ATP11B: variants seen among roughly 807,000 people sequenced by gnomAD.
ATP11B encodes ATPase phospholipid transporting 11B (putative), also known as phospholipid-transporting ATPase IF.
A neutral mutation model predicts 157.8 loss-of-function variants in ATP11B; 81 were observed. That is an observed-to-expected ratio of 0.51 (90% CI 0.43 to 0.62). ATP11B has a LOEUF of 0.62. Among genes scored for constraint, ATP11B ranks in the 20% least tolerant of loss-of-function variants. The pLI, the probability that ATP11B is intolerant of heterozygous loss-of-function variation, is 0.00. For synonymous variants in ATP11B, 451 were observed against 469.4 expected (o/e 0.96, Z 0.51); for missense variants, 1,165 against 1,402.2 (o/e 0.83, Z 2.70).
intron 28 of ATP11B, among the ~76,000 whole-genome samples, chr3:182,911,859 G>A (rs905661668): frequency 6.6e-6 from 1 of 152,204 alleles, no homozygotes; most frequent in Non-Finnish European, 1.5e-5. Flanking sequence ...AGTTGGAGAG[G>A]TGAGGGAAGT....
At chr3:182,874,317 CTT>C (rs1721875343) in intron 19 of ATP11B, among the ~76,000 whole-genome samples, 1 of 152,198 alleles carries the variant, frequency 6.6e-6, no homozygotes, top group Non-Finnish European at 1.5e-5. Context: ...GCAGCAGAGA[CTT>C]TACAAAATAC....
At chr3:182,803,168 C>T (rs1016431228) in intron 1 of ATP11B, among the ~76,000 whole-genome samples, 8 of 151,990 alleles carry the variant, frequency 5.3e-5, no homozygotes, top group Non-Finnish European at 7.4e-5. Context: ...TAAATATTGC[C>T]AAAGTATTTT....
intron 25 of ATP11B, among the ~76,000 whole-genome samples, chr3:182,889,771 T>G (rs913837315): frequency 1.3e-5 from 2 of 152,190 alleles, no homozygotes; most frequent in Non-Finnish European, 2.9e-5. Context: ...ACTAGACAGT[T>G]TTGCTATTCA....
intron 29 of ATP11B, chr3:182,916,359 A>G (rs963811195): frequency 1.0e-6 from 1 of 985,240 alleles, no homozygotes; most frequent in African/African-American, 1.7e-5. Context: ...AGTAATGGGC[A>G]TCACTTGAGA....
chr3:182,877,773 G>GTGA (rs1722147943), intron 19 of ATP11B, among the ~76,000 whole-genome samples: 2 of 152,166 alleles, frequency 1.3e-5, no homozygotes, highest in Non-Finnish European at 2.9e-5. Flanking sequence ...ATGAAGAGTA[G>GTGA]TGATGCATGA....
intron 28 of ATP11B, among the ~76,000 whole-genome samples, chr3:182,899,475 T>C (rs1256336118): frequency 6.6e-6 from 1 of 152,150 alleles, no homozygotes; most frequent in Non-Finnish European, 1.5e-5. Flanking sequence ...CTGATTATAT[T>C]ATTTTCACCA....
chr3:182,816,174 T>C (rs1716959699), intron 1 of ATP11B, among the ~76,000 whole-genome samples: 1 of 152,198 alleles, frequency 6.6e-6, no homozygotes, highest in South Asian at 2.1e-4. Context: ...TTGAATTTCA[T>C]AATTTTTAAG....
At chr3:182,871,482 C>T (rs960066851) in intron 17 of ATP11B, among the ~76,000 whole-genome samples, 1 of 152,110 alleles carries the variant, frequency 6.6e-6, no homozygotes, top group Non-Finnish European at 1.5e-5. Flanking sequence ...AGATATATTA[C>T]TTAAAATCAT....
chr3:182,816,581 T>C (rs1716980488), intron 1 of ATP11B, among the ~76,000 whole-genome samples: 1 of 152,248 alleles, frequency 6.6e-6, no homozygotes, highest in Non-Finnish European at 1.5e-5. Context: ...GTTAATAGTT[T>C]GTTTTGACTC....
chr3:182,895,245 A>T (rs769156391), intron 25 of ATP11B, among the ~76,000 whole-genome samples: 1 of 152,148 alleles, frequency 6.6e-6, no homozygotes, highest in Non-Finnish European at 1.5e-5. Context: ...TCTAGAGATG[A>T]TAAAAGCAGA....
chr3:182,869,319 T>C lies in ATP11B; in HGVS notation c.1854T>C (p.Asp618=). The change falls in exon 17 of 30, where the codon GAT becomes GAC. Residue 618 remains aspartate (D), a synonymous_variant. Coordinates refer to ENST00000323116, the MANE Select transcript of ATP11B (RefSeq NM_014616.3). The part of the protein sequence containing the change: ...GEIEKTRIHV[D]EFALKGLRTL... ...TAGAAAAAACCAGAATTCATGTAGA[T>C]GAATTTGCTTTGGTGAGTGCAAATT... 1 of 1,600,018 alleles carries C rather than the reference T, an allele frequency of 6.2e-7. No homozygotes were observed. The highest frequency in any genetic ancestry group is 8.5e-7 in the Non-Finnish European group (1 of 1,173,216).
chr3:182,822,664 C>G (rs1485281559), intron 2 of ATP11B, among the ~76,000 whole-genome samples: 1 of 152,172 alleles, frequency 6.6e-6, no homozygotes, highest in East Asian at 1.9e-4. Context: ...AATGGTATTT[C>G]TAGTTCTAGA....
intron 19 of ATP11B, among the ~76,000 whole-genome samples, chr3:182,875,884 A>G (rs906200871): frequency 1.3e-5 from 2 of 152,226 alleles, no homozygotes; most frequent in African/African-American, 4.8e-5. Flanking sequence ...AAATACTGCA[A>G]TATCATGAAC....
intron 28 of ATP11B, among the ~76,000 whole-genome samples, chr3:182,913,399 C>G (rs1403464609): frequency 6.6e-6 from 1 of 152,102 alleles, no homozygotes; most frequent in Non-Finnish European, 1.5e-5. Context: ...TGTTATTTCC[C>G]AGTCTTAAAG....
intron 29 of ATP11B, chr3:182,916,699 A>G: frequency 1.0e-6 from 1 of 982,988 alleles, no homozygotes; most frequent in Non-Finnish European, 1.2e-6. Flanking sequence ...TAACATATGA[A>G]TGCACATGTG....
At chr3:182,904,888 T>TAA (rs1004716420) in intron 28 of ATP11B, among the ~76,000 whole-genome samples, 51 of 101,874 alleles carry the variant, frequency 5.0e-4, no homozygotes, top group African/African-American at 1.8e-3. Flanking sequence ...GACTTCTTCT[T>TAA]AAAAAAAAAA....
chr3:182,879,559 A>G lies in ATP11B; in HGVS notation c.2316A>G (p.Ala772=). 3 of 1,614,114 alleles carry G rather than the reference A, an allele frequency of 1.9e-6. No individual in the cohort carries two copies. The highest frequency in any genetic ancestry group is 1.7e-6 in the Non-Finnish European group (2 of 1,179,952). ...TGGATGGGACCAGCCTATCTCTTGCACTCAGGGAGCATGAAAAACTATTTA... is the reference window on the plus strand; with the variant it reads ...TGGATGGGACCAGCCTATCTCTTGCGCTCAGGGAGCATGAAAAACTATTTA... ...LVVDGTSLSL[A]LREHEKLFME... The change falls in exon 20 of 30, where the codon GCA becomes GCG. Residue 772 remains alanine, a synonymous_variant. Transcript: ENST00000323116.
chr3:182,863,777 A>G (rs1018150498), intron 12 of ATP11B, among the ~76,000 whole-genome samples: 7 of 152,096 alleles, frequency 4.6e-5, no homozygotes, highest in Admixed American at 6.5e-5. Flanking sequence ...TCTTTTTTCT[A>G]AAGAATCCTC....
chr3:182,887,766 A>C (rs1722897191), intron 24 of ATP11B, 53 bp downstream of exon 24: 1 of 1,551,054 alleles, frequency 6.4e-7, no homozygotes, highest in Non-Finnish European at 8.7e-7. Flanking sequence ...AGTAAAAAAT[A>C]AGCAGATTTA....
Sources: gnomAD v4.1 joint callset for allele counts (sites outside exome capture counted in the v4.1 genomes callset) on GRCh38, gnomAD v4.1.1 for gene constraint, MANE v1.5 for transcripts, NCBI Gene and HGNC (gene_info 2026-07-23, HGNC 2026-07-21) for gene names.